Variants in SRGAP3 observed in about 807,000 individuals in gnomAD.
SRGAP3 encodes SLIT-ROBO Rho GTPase activating protein 3.
In SRGAP3, 39 loss-of-function variants were observed where a neutral mutation model predicts 121.1. That is an observed-to-expected ratio of 0.32 (90% confidence interval 0.25 to 0.42). The LOEUF is 0.42. Among genes scored for constraint, SRGAP3 ranks in the 10% least tolerant of loss-of-function variants. SRGAP3 has a pLI of 1.00. For missense variants in SRGAP3, 1,213 were observed against 1,470.6 expected, an observed-to-expected ratio of 0.82 and a Z score of 2.86; for synonymous variants, 601 against 570.0, an observed-to-expected ratio of 1.05 and a Z score of -0.77.
chr3:9,033,008 T>G (rs1457637314), intron 11 of SRGAP3, among the ~76,000 whole-genome samples: 1 of 152,136 alleles, frequency 6.6e-6, no homozygotes, highest in Non-Finnish European at 1.5e-5. Flanking sequence ...AGGGGGAATA[T>G]AGTACATGTG....
At chr3:9,272,706 C>T (rs1166658177) in intron 3 of SRGAP3, among the ~76,000 whole-genome samples, 11 of 152,138 alleles carry the variant, frequency 7.2e-5, no homozygotes, top group African/African-American at 2.7e-4. Context: ...AGTAATACTG[C>T]TATGAATATT....
chr3:9,010,106 G>C (rs341787), intron 18 of SRGAP3, among the ~76,000 whole-genome samples: 60,793 of 152,066 alleles, frequency 0.4, 12,377 homozygotes, highest in Middle Eastern at 0.53. Context: ...GAGCCTATGA[G>C]GATCTGCTCT....
intron 1 of SRGAP3, among the ~76,000 whole-genome samples, chr3:9,170,412 G>A (rs1057178428): frequency 4.6e-5 from 7 of 152,136 alleles, no homozygotes; most frequent in African/African-American, 1.7e-4. Flanking sequence ...GGAGCAGCGG[G>A]GTGGGGGCAA....
intron 4 of SRGAP3, among the ~76,000 whole-genome samples, chr3:9,067,718 C>T (rs1354901692): frequency 6.6e-6 from 1 of 152,104 alleles, no homozygotes; most frequent in Non-Finnish European, 1.5e-5. Flanking sequence ...AGGTGATGGG[C>T]CTATAGGTGC....
At chr3:9,087,373 G>C (rs1378347594) in intron 3 of SRGAP3, among the ~76,000 whole-genome samples, 1 of 151,926 alleles carries the variant, frequency 6.6e-6, no homozygotes, top group Non-Finnish European at 1.5e-5. Flanking sequence ...AAGTTGCCCA[G>C]AGAAGGGAAT....
intron 4 of SRGAP3, among the ~76,000 whole-genome samples, chr3:9,066,455 T>C (rs112274720): frequency 0.015 from 2,286 of 152,270 alleles, 52 homozygotes; most frequent in African/African-American, 0.052. Flanking sequence ...TCCTTGTCAT[T>C]TGAAGTGCTG....
chr3:9,362,149 T>G (rs1281095675), intron 1 of SRGAP3, among the ~76,000 whole-genome samples: 5 of 149,236 alleles, frequency 3.4e-5, no homozygotes, highest in Admixed American at 3.3e-4. Flanking sequence ...ATGGCTACCA[T>G]GCAGGTTCAA....
intron 3 of SRGAP3, among the ~76,000 whole-genome samples, chr3:9,300,391 T>C (rs912997630): frequency 6.6e-6 from 1 of 151,858 alleles, no homozygotes; most frequent in Admixed American, 6.6e-5. Context: ...GCCTGAGAAA[T>C]TGCCATCTGT....
chr3:9,260,678 C>T (rs779509924), intron 3 of SRGAP3, among the ~76,000 whole-genome samples: 42 of 152,334 alleles, frequency 2.8e-4, no homozygotes, highest in Middle Eastern at 3.4e-3. Flanking sequence ...ATTCCCATCT[C>T]CCTGGGACAG....
intron 1 of SRGAP3, among the ~76,000 whole-genome samples, chr3:9,244,747 G>A (rs192691935): frequency 4.6e-5 from 7 of 152,190 alleles, no homozygotes; most frequent in South Asian, 2.1e-4. Context: ...TATCACTCCC[G>A]GCAAGGTTCT....
At chr3:9,075,018 T>C (rs1293949613) in intron 4 of SRGAP3, among the ~76,000 whole-genome samples, 1 of 152,204 alleles carries the variant, frequency 6.6e-6, no homozygotes, top group Non-Finnish European at 1.5e-5. Flanking sequence ...CGTTCACTAG[T>C]TACTGACACA....
At chr3:9,350,212 T>C (rs975345292) in intron 1 of SRGAP3, 1 of 152,244 alleles carries the variant, frequency 6.6e-6, no homozygotes, top group African/African-American at 2.4e-5. Flanking sequence ...TCAACACATA[T>C]TCACTGCACA....
At chr3:9,067,667 G>T (rs1414197752) in intron 4 of SRGAP3, among the ~76,000 whole-genome samples, 2 of 152,202 alleles carry the variant, frequency 1.3e-5, no homozygotes, top group Non-Finnish European at 2.9e-5. Flanking sequence ...GGGAGGGAGA[G>T]CATCAGGATA....
rs1040197846 is a variant in SRGAP3 at position 9,058,619 on chromosome 3, T to A, written c.802-147A>T. 14 of 783,140 alleles carry A rather than the reference T, an allele frequency of 1.8e-5. 1 individual carries two copies. The highest frequency in any genetic ancestry group is 2.9e-5 in the Non-Finnish European group (14 of 474,598). 48.5% of individuals were successfully genotyped at this position (783,140 alleles called of 1,614,324 possible). A position where few individuals can be genotyped will look rare whatever the true frequency, so the allele number is the denominator to read the frequency against. The stretch of plus-strand genomic sequence containing the variant: ...GCCCCAAGGCACTTTGGAATCCTAC[T>A]GCACAAACCTCACGGCGCCCCTCAA... On this transcript the variant is annotated intron_variant, in intron 6 of 21. Coordinates refer to ENST00000383836, the MANE Select transcript of SRGAP3 (RefSeq NM_014850.4).
chr3:9,054,824 T>C (rs1472974492), intron 8 of SRGAP3, among the ~76,000 whole-genome samples: 1 of 152,262 alleles, frequency 6.6e-6, no homozygotes, highest in Non-Finnish European at 1.5e-5. Context: ...TGGCACATAG[T>C]ATGTGCTCTA....
chr3:9,261,876 T>TAAAAAA (rs34047232), intron 3 of SRGAP3, among the ~76,000 whole-genome samples: 1 of 120,876 alleles, frequency 8.3e-6, no homozygotes, highest in Non-Finnish European at 1.7e-5. Context: ...CTCATATATT[T>TAAAAAA]AAAAAAAAAA....
At chr3:9,260,349 G>A (rs1954228903) in intron 3 of SRGAP3, among the ~76,000 whole-genome samples, 2 of 152,144 alleles carry the variant, frequency 1.3e-5, no homozygotes, top group Non-Finnish European at 1.5e-5. Context: ...CCGAGTGATT[G>A]TGCTAAGTGG....
At chr3:9,302,363 A>G (rs1955073863) in intron 3 of SRGAP3, among the ~76,000 whole-genome samples, 1 of 152,088 alleles carries the variant, frequency 6.6e-6, no homozygotes, top group Admixed American at 6.5e-5. Context: ...CCTGCTCCCA[A>G]ACACTCGCTC....
chr3:9,295,648 T>A (rs56069706), intron 3 of SRGAP3, among the ~76,000 whole-genome samples: 625 of 51,578 alleles, frequency 0.012, 2 homozygotes, highest in African/African-American at 0.033. Context: ...ACACATAACA[T>A]AAATTTTACC....
Sources: allele counts gnomAD v4.1 joint callset (sites outside exome capture counted in the v4.1 genomes callset), GRCh38; gene constraint gnomAD v4.1.1; transcripts MANE v1.5; gene names NCBI Gene and HGNC (gene_info 2026-07-23, HGNC 2026-07-21).